The following PTPRD variants were observed in gnomAD, a reference collection of about 807,000 sequenced individuals.
PTPRD encodes receptor-type tyrosine-protein phosphatase delta.
In PTPRD, 34 loss-of-function variants were observed where a neutral mutation model predicts 214.5. That is an observed-to-expected ratio of 0.16 (90% CI 0.12 to 0.21). The LOEUF is 0.21. Among genes scored for constraint, PTPRD ranks in the 10% least tolerant of loss-of-function variants. PTPRD has a pLI of 1.00. For missense variants in PTPRD, 2,545 were observed against 2,398.7 expected, an observed-to-expected ratio of 1.06 and a Z score of -1.27; for synonymous variants, 1,128 against 845.7, an observed-to-expected ratio of 1.33 and a Z score of -5.79.
intron 12 of PTPRD, chr9:8,713,352 T>A (rs2098385894): frequency 1.0e-5 from 10 of 992,416 alleles, no homozygotes; most frequent in Non-Finnish European, 1.6e-5. Flanking sequence ...AAGTAGTGGG[T>A]CGCCGCCTGC....
intron 39 of PTPRD, among the ~76,000 whole-genome samples, chr9:8,346,104 C>T (rs1857359072): frequency 6.6e-6 from 1 of 152,090 alleles, no homozygotes; most frequent in African/African-American, 2.4e-5. Flanking sequence ...TCCTCCCACT[C>T]TCAGGCTCTC....
intron 2 of PTPRD, among the ~76,000 whole-genome samples, chr9:10,344,429 T>C (rs1004615200): frequency 6.6e-6 from 1 of 152,154 alleles, no homozygotes; most frequent in East Asian, 1.9e-4. Context: ...TTGGTTACTG[T>C]AGTCTTGTAG....
chr9:8,665,925 T>C (rs149256051), intron 12 of PTPRD, among the ~76,000 whole-genome samples: 4 of 152,320 alleles, frequency 2.6e-5, no homozygotes. Context: ...CACAAAAAAA[T>C]GCATGGGTAT....
intron 2 of PTPRD, among the ~76,000 whole-genome samples, chr9:10,465,278 G>T (rs1165904368): frequency 6.6e-6 from 1 of 152,070 alleles, no homozygotes; most frequent in Non-Finnish European, 1.5e-5. Context: ...TAAAACCTTT[G>T]CCACCTGCCA....
Position 10,170,919 on chromosome 9 carries a change from C to T in PTPRD, c.-544-137129G>A, listed in dbSNP as rs567936624. Among the ~76,000 whole-genome samples, 6 of 152,262 alleles carry T rather than the reference C, an allele frequency of 3.9e-5. No individual in the cohort carries two copies. The South Asian group carries it at 1.0e-3, about 26-fold the overall frequency. ...GAACACTGATTCAAGAACACACCCT[C>T]ATTACTCTTCTCCACCCGGTATAAT... On this transcript the variant is annotated intron_variant, in intron 3 of 45. Coordinates refer to ENST00000381196, the MANE Select transcript of PTPRD (RefSeq NM_002839.4).
At chr9:10,465,329 C>CA (rs780717171) in intron 2 of PTPRD, among the ~76,000 whole-genome samples, 11 of 151,906 alleles carry the variant, frequency 7.2e-5, no homozygotes, top group Admixed American at 5.2e-4. Flanking sequence ...CTCCCCTGCG[C>CA]AAAAAAGGAG....
intron 2 of PTPRD, among the ~76,000 whole-genome samples, chr9:10,518,692 C>T (rs929140035): frequency 3.3e-5 from 5 of 151,932 alleles, no homozygotes; most frequent in African/African-American, 2.4e-5. Context: ...GCCACCACAC[C>T]CGGCTAATTT....
intron 8 of PTPRD, among the ~76,000 whole-genome samples, chr9:9,523,063 TG>T (rs2097027658): frequency 6.6e-6 from 1 of 152,164 alleles, no homozygotes; most frequent in African/African-American, 2.4e-5. Context: ...TTATTTATGT[TG>T]TTAAAAACAT....
At chr9:8,857,936 C>T (rs1241353087) in intron 11 of PTPRD, among the ~76,000 whole-genome samples, 1 of 149,448 alleles carries the variant, frequency 6.7e-6, no homozygotes, top group African/African-American at 2.5e-5. Context: ...CCCCTACCCC[C>T]TTTTCCTCCT....
chr9:9,382,720 C>T (rs1454877338), intron 9 of PTPRD, among the ~76,000 whole-genome samples: 4 of 151,990 alleles, frequency 2.6e-5, no homozygotes, highest in African/African-American at 9.7e-5. Context: ...TAAAACAGTA[C>T]AGCTATTATG....
intron 11 of PTPRD, among the ~76,000 whole-genome samples, chr9:8,890,190 T>A (rs186754997): frequency 6.6e-6 from 1 of 152,350 alleles, no homozygotes; most frequent in East Asian, 1.9e-4. Flanking sequence ...TAACTTGGCA[T>A]GTATGCCCTT....
chr9:9,722,434 A>T (rs1217319857), intron 7 of PTPRD, among the ~76,000 whole-genome samples: 2 of 152,126 alleles, frequency 1.3e-5, no homozygotes, highest in Non-Finnish European at 2.9e-5. Context: ...ATAGCATTGT[A>T]AAATCTATAC....
At chr9:9,714,186 C>A (rs1466888972) in intron 7 of PTPRD, among the ~76,000 whole-genome samples, 1 of 151,108 alleles carries the variant, frequency 6.6e-6, no homozygotes, top group African/African-American at 2.4e-5. Flanking sequence ...GCACTTTTTA[C>A]TCTTAATTGA....
intron 2 of PTPRD, among the ~76,000 whole-genome samples, chr9:10,417,193 G>A (rs926668416): frequency 1.3e-5 from 2 of 151,832 alleles, no homozygotes; most frequent in African/African-American, 4.8e-5. Flanking sequence ...GATATTGAAG[G>A]AACATAGTTC....
At chr9:10,005,976 T>C (rs2096465036) in intron 4 of PTPRD, among the ~76,000 whole-genome samples, 2 of 151,988 alleles carry the variant, frequency 1.3e-5, no homozygotes, top group Non-Finnish European at 2.9e-5. Flanking sequence ...ATTTCAAAAA[T>C]GCTTATGACA....
intron 7 of PTPRD, among the ~76,000 whole-genome samples, chr9:9,702,567 C>T (rs1474952527): frequency 6.6e-6 from 1 of 152,060 alleles, no homozygotes; most frequent in East Asian, 1.9e-4. Flanking sequence ...TAATGAAGCA[C>T]AGACAAGAGA....
intron 9 of PTPRD, among the ~76,000 whole-genome samples, chr9:9,209,699 C>G (rs1157268161): frequency 1.3e-5 from 2 of 151,994 alleles, no homozygotes; most frequent in Non-Finnish European, 2.9e-5. Flanking sequence ...GGGTGATGGC[C>G]TCAGAAAGAA....
intron 3 of PTPRD, among the ~76,000 whole-genome samples, chr9:10,081,428 G>A (rs2098235372): frequency 6.6e-6 from 1 of 152,038 alleles, no homozygotes; most frequent in Admixed American, 6.6e-5. Context: ...ATACTAGGAG[G>A]TGGAGCGTTT....
Position 10,099,175 on chromosome 9 carries a change from A to G in PTPRD, c.-544-65385T>C, listed in dbSNP as rs2098526239. 2.6e-5 allele frequency among the ~76,000 whole-genome samples: 4 copies of G among 151,884 alleles called. No individual in the cohort carries two copies. The South Asian group carries it at 8.3e-4, about 31-fold the overall frequency. On this transcript the variant is annotated intron_variant, in intron 3 of 45. Coordinates refer to ENST00000381196, the MANE Select transcript of PTPRD (RefSeq NM_002839.4). ...TCAAGATTATTTTTTGAAAGTCAGC[A>G]TAAGTGTACTTATTAAGAGCCTGGG...
Sources: gnomAD v4.1 joint callset for allele counts (sites outside exome capture counted in the v4.1 genomes callset) on GRCh38, gnomAD v4.1.1 for gene constraint, MANE v1.5 for transcripts, NCBI Gene and HGNC (gene_info 2026-07-23, HGNC 2026-07-21) for gene names.